SMARCC1: variants seen among roughly 807,000 people sequenced by gnomAD.
SMARCC1 encodes SWI/SNF related BAF chromatin remodeling complex subunit C1, also known as SWI/SNF complex subunit SMARCC1.
SMARCC1 carries 43 observed loss-of-function variants against 147.4 expected under a neutral mutation model. The ratio of observed to expected loss-of-function variants is 0.29; its 90% CI spans 0.23 to 0.38. The LOEUF (loss-of-function observed/expected upper bound fraction) is 0.38. Among genes scored for constraint, SMARCC1 ranks in the 10% least tolerant of loss-of-function variants. The pLI is 1.00. For synonymous variants in SMARCC1, 495 were observed against 484.4 expected, an observed-to-expected ratio of 1.02 and a Z score of -0.29; for missense variants, 1,119 against 1,381.1, an observed-to-expected ratio of 0.81 and a Z score of 3.01.
chr3:47,619,079 C>T (rs1230420142), intron 25 of SMARCC1, among the ~76,000 whole-genome samples: 2 of 152,194 alleles, frequency 1.3e-5, no homozygotes, highest in Admixed American at 6.5e-5. Flanking sequence ...AACACAAAGA[C>T]TCATCCCCTA....
In SMARCC1 at chr3:47,633,561, T is replaced by C. The variant is rs181131831; in HGVS notation, c.2646+1629A>G. ...GAGTTCAAGACCAGCCTGATCAATATGGCAAAACCCTGTCTCTACTAAAAA... is the reference window on the plus strand; with the variant it reads ...GAGTTCAAGACCAGCCTGATCAATACGGCAAAACCCTGTCTCTACTAAAAA... On this transcript the variant is annotated intron_variant, in intron 24 of 27. Transcript: ENST00000254480. 2.0e-3 allele frequency among the ~76,000 whole-genome samples: 304 copies of C among 151,470 alleles called. 3 individuals are homozygous for C. Among genetic ancestry groups the C allele is most frequent in the African/African-American group, 6.8e-3 (279 of 41,230 alleles).
Position 47,780,830 on chromosome 3 carries a change from G to GA in SMARCC1, c.195+772dup, listed in dbSNP as rs374644379. Among the ~76,000 whole-genome samples the GA allele has an allele frequency of 1.6e-3, 226 of 138,726 alleles. 1 individual carries two copies. The highest frequency in any genetic ancestry group is 4.3e-3 in the Admixed American group (60 of 13,914). The allele number at this position is 138,726 out of a possible 152,430, so 91.0% of individuals were successfully genotyped here. A position where few individuals can be genotyped will look rare whatever the true frequency, so the allele number is the denominator to read the frequency against. Reference sequence around the variant, plus strand: ...GAATATTTACACAAAAGGGAAGTTGGAAAAAAAAAAAACATTTGTTATAAA... The same window carrying GA: ...GAATATTTACACAAAAGGGAAGTTGGAAAAAAAAAAAAACATTTGTTATAAA... On this transcript the variant is annotated intron_variant, in intron 1 of 27. Transcript: ENST00000254480.
chr3:47,710,650 C>G (rs1197407331), intron 9 of SMARCC1, 33 bp downstream of exon 9: 1 of 1,607,872 alleles, frequency 6.2e-7, no homozygotes, highest in Admixed American at 1.7e-5. Context: ...AGAAGACAGA[C>G]TTAATGATGA....
Position 47,590,684 on chromosome 3 carries a change from G to T in SMARCC1, c.3197C>A (p.Pro1066His), listed in dbSNP as rs773572795. 1 of 1,556,576 alleles carries T rather than the reference G, an allele frequency of 6.4e-7. No individual in the cohort carries two copies. Among genetic ancestry groups the T allele is most frequent in the Non-Finnish European group, 8.6e-7 (1 of 1,157,340 alleles). Residue 1066 changes from proline to histidine, a missense_variant, in exon 27 of 28, where the codon CCC becomes CAC. By Grantham distance (77) the Pro-to-His change is moderately conservative. Transcript: ENST00000254480. Reference protein sequence around the residue: ...MPGNILGPRVPLTAPNGMYPP... With the variant: ...MPGNILGPRVHLTAPNGMYPP... ...ACACATGCCGTTAGGTGCTGTCAGG[G>T]GTACCCGGGGTCCTAAGATGTTTCC... is the stretch of plus-strand genomic sequence containing the variant.
At chr3:47,675,213 T>C (rs2033554108) in intron 18 of SMARCC1, among the ~76,000 whole-genome samples, 2 of 152,238 alleles carry the variant, frequency 1.3e-5, no homozygotes, top group Admixed American at 6.5e-5. Flanking sequence ...TAATTTCAAG[T>C]ATACTTTTCA....
chr3:47,760,284 C>T (rs1248300177), intron 2 of SMARCC1, among the ~76,000 whole-genome samples: 1 of 152,142 alleles, frequency 6.6e-6, no homozygotes, highest in East Asian at 1.9e-4. Flanking sequence ...TGCATTCCAG[C>T]CTGGGCAACA....
At chr3:47,636,779 A>AAT (rs548964082) in intron 22 of SMARCC1, among the ~76,000 whole-genome samples, 366 of 80,986 alleles carry the variant, frequency 4.5e-3, no homozygotes, top group African/African-American at 0.016. Flanking sequence ...ACCACAACAA[A>AAT]ATATATATAT....
intron 2 of SMARCC1, among the ~76,000 whole-genome samples, chr3:47,756,632 T>C (rs1373676423): frequency 2.0e-5 from 3 of 149,866 alleles, no homozygotes; most frequent in Non-Finnish European, 3.0e-5. Context: ...TATCAGGAAA[T>C]GGCAAATAAT....
At chr3:47,645,720 G>C (rs1278886932) in intron 21 of SMARCC1, among the ~76,000 whole-genome samples, 1 of 152,154 alleles carries the variant, frequency 6.6e-6, no homozygotes, top group African/African-American at 2.4e-5. Flanking sequence ...TTTTTGTCTC[G>C]CAAAGATATC....
chr3:47,648,522 GACA>G (rs1023558284), intron 21 of SMARCC1, among the ~76,000 whole-genome samples: 14 of 152,158 alleles, frequency 9.2e-5, no homozygotes, highest in African/African-American at 2.6e-4. Context: ...AAGTAGCTGG[GACA>G]ACAAGTGTGT....
At chr3:47,753,206 T>C (rs531394307) in intron 2 of SMARCC1, among the ~76,000 whole-genome samples, 1 of 151,080 alleles carries the variant, frequency 6.6e-6, no homozygotes, top group Admixed American at 6.6e-5. Context: ...ACGTCTGTAG[T>C]CCCAGCTACT....
chr3:47,597,744 G>C (rs2032314231), intron 26 of SMARCC1, among the ~76,000 whole-genome samples: 1 of 152,220 alleles, frequency 6.6e-6, no homozygotes, highest in Admixed American at 6.5e-5. Flanking sequence ...CTATGGGTGT[G>C]AGCTATTGTG....
In SMARCC1 at chr3:47,585,360, G is replaced by A. The variant is rs971953164; in HGVS notation, c.*2849C>T. ...AATCTGGTGAGACCCAGCTGGCTTT[G>A]GCTCTCTTTATTAGAGGCACACCTT... On this transcript the variant is annotated 3_prime_UTR_variant, in exon 28 of 28. Transcript: ENST00000254480. 2.0e-5 allele frequency: 3 copies of A among 152,204 alleles called. No homozygotes were observed. The highest frequency in any genetic ancestry group is 4.8e-5 in the African/African-American group (2 of 41,444). 9.4% of individuals were successfully genotyped at this position (152,204 alleles called of 1,614,324 possible). A position where few individuals can be genotyped will look rare whatever the true frequency, so the allele number is the denominator to read the frequency against.
At chr3:47,712,260 A>C (rs538019990) in intron 8 of SMARCC1, among the ~76,000 whole-genome samples, 70 of 152,266 alleles carry the variant, frequency 4.6e-4, no homozygotes, top group East Asian at 3.7e-3. Flanking sequence ...AACTAACTAA[A>C]TAAATAAATA....
chr3:47,693,443 T>C (rs1559646755), intron 11 of SMARCC1, 143 bp from the exon 12 acceptor site: 2 of 604,756 alleles, frequency 3.3e-6, no homozygotes, highest in East Asian at 5.7e-5. Flanking sequence ...GTAAAAATCA[T>C]AAGCCCAGCT....
At chr3:47,627,090 C>A (rs2032821298) in intron 24 of SMARCC1, among the ~76,000 whole-genome samples, 1 of 152,156 alleles carries the variant, frequency 6.6e-6, no homozygotes, top group South Asian at 2.1e-4. Context: ...TTAAACTACT[C>A]AATTTTGCTA....
At chr3:47,642,387 C>T (rs759506115) in intron 21 of SMARCC1, among the ~76,000 whole-genome samples, 1 of 151,926 alleles carries the variant, frequency 6.6e-6, no homozygotes, top group African/African-American at 2.4e-5. Flanking sequence ...GTAAGGAGTT[C>T]GAGGCCAGCC....
intron 24 of SMARCC1, among the ~76,000 whole-genome samples, chr3:47,623,927 G>A (rs1233508760): frequency 6.6e-6 from 1 of 150,890 alleles, no homozygotes; most frequent in Non-Finnish European, 1.5e-5. Flanking sequence ...GGTGGGGGGA[G>A]CGGTAGGTGG....
At chr3:47,624,624 A>G (rs2032781137) in intron 24 of SMARCC1, among the ~76,000 whole-genome samples, 1 of 152,198 alleles carries the variant, frequency 6.6e-6, no homozygotes, top group Non-Finnish European at 1.5e-5. Flanking sequence ...CTCACTTCCT[A>G]CATGTGCTAC....
Sources: allele counts gnomAD v4.1 joint callset (sites outside exome capture counted in the v4.1 genomes callset), GRCh38; gene constraint gnomAD v4.1.1; transcripts MANE v1.5; gene names NCBI Gene and HGNC (gene_info 2026-07-23, HGNC 2026-07-21).